The following TNS3 variants were observed in gnomAD, a reference collection of about 807,000 sequenced individuals.
The protein encoded by TNS3 is tensin 3, also known as tensin-3.
TNS3 carries 45 observed loss-of-function variants against 140.9 expected under a neutral mutation model. The ratio of observed to expected loss-of-function variants is 0.32; its 90% CI spans 0.25 to 0.41. The LOEUF (loss-of-function observed/expected upper bound fraction) is 0.41. Ranked by LOEUF, TNS3 falls within the 10% of genes least tolerant of loss-of-function variation. TNS3 has a pLI of 1.00. For synonymous variants in TNS3, 815 were observed against 788.4 expected (o/e 1.03, Z -0.56); for missense variants, 1,716 against 1,906.7 (o/e 0.90, Z 1.86).
At chr7:47,379,295 A>G (rs1214637514) in intron 16 of TNS3, among the ~76,000 whole-genome samples, 2 of 152,228 alleles carry the variant, frequency 1.3e-5, no homozygotes, top group East Asian at 3.8e-4. Flanking sequence ...TACCCATAGC[A>G]TATGCAAAAA....
At position 47,389,096 on chromosome 7, in the gene TNS3, G is replaced by GC. The variant is rs1316792867; in HGVS notation, c.1024+7703_1024+7704insG. ...AGAAGAAGAAGAAGAGGAAGAGGAA[G>GC]AGGAAGCGGAAGCAGAAGAAGAAGA... On this transcript the variant is annotated intron_variant, in intron 16 of 30. Coordinates refer to ENST00000311160, the MANE Select transcript of TNS3 (RefSeq NM_022748.12). 1.8e-3 allele frequency among the ~76,000 whole-genome samples: 132 copies of GC among 72,702 alleles called. 27 individuals are homozygous for GC. In the East Asian group the frequency reaches 0.026, roughly 14 times the overall value. The allele number at this position is 72,702 out of a possible 152,430, so 47.7% of individuals were successfully genotyped here.
At chr7:47,482,046 G>C (rs1797439979) in intron 3 of TNS3, among the ~76,000 whole-genome samples, 1 of 152,210 alleles carries the variant, frequency 6.6e-6, no homozygotes, top group Admixed American at 6.5e-5. Context: ...GCTGCTCTGG[G>C]GGGCCGCTCA....
At chr7:47,472,186 G>A (rs1409008202) in intron 4 of TNS3, among the ~76,000 whole-genome samples, 1 of 152,188 alleles carries the variant, frequency 6.6e-6, no homozygotes, top group African/African-American at 2.4e-5. Flanking sequence ...TGGAAATCAG[G>A]CCCAATCTAA....
chr7:47,355,515 CAT>C (rs1789944207), intron 17 of TNS3, among the ~76,000 whole-genome samples: 1 of 152,180 alleles, frequency 6.6e-6, no homozygotes, highest in African/African-American at 2.4e-5. Context: ...GTACTAAACA[CAT>C]GTGGGACTGA....
Position 47,435,275 on chromosome 7 carries a change from C to T in TNS3, c.324+7G>A, listed in dbSNP as rs1232831240. ...AGACCCCCAAATGTGAGAGGGGGCG[C>T]ACTCACCCTGCAGTGAATGACGACC... On this transcript the variant is annotated splice_region_variant and intron_variant, in intron 8 of 30. Transcript: ENST00000311160. 1 of 1,613,814 alleles carries T rather than the reference C, an allele frequency of 6.2e-7. No individual in the cohort carries two copies. The highest frequency in any genetic ancestry group is 8.5e-7 in the Non-Finnish European group (1 of 1,179,950).
At chr7:47,360,046 G>A (rs1790227153) in intron 17 of TNS3, among the ~76,000 whole-genome samples, 1 of 152,184 alleles carries the variant, frequency 6.6e-6, no homozygotes, top group African/African-American at 2.4e-5. Context: ...AGTATCTGGG[G>A]CAAATGGAAA....
intron 1 of TNS3, among the ~76,000 whole-genome samples, chr7:47,566,309 G>A (rs1318409963): frequency 3.3e-5 from 5 of 152,212 alleles, no homozygotes; most frequent in Non-Finnish European, 7.3e-5. Flanking sequence ...AGTGATGGCA[G>A]CCACATTCAC....
At chr7:47,557,013 G>A (rs1055398518) in intron 1 of TNS3, 24 of 456,286 alleles carry the variant, frequency 5.3e-5, no homozygotes, top group African/African-American at 4.6e-4. Context: ...GGAGCAGCGG[G>A]GGCGGGGAGC....
chr7:47,399,985 A>C (rs1031386719), intron 15 of TNS3, among the ~76,000 whole-genome samples: 6 of 152,148 alleles, frequency 3.9e-5, no homozygotes, highest in Non-Finnish European at 8.8e-5. Context: ...AAAAAAAAAA[A>C]ACAAATAATC....
At chr7:47,398,879 A>C (rs992060717) in intron 15 of TNS3, among the ~76,000 whole-genome samples, 2 of 152,146 alleles carry the variant, frequency 1.3e-5, no homozygotes, top group African/African-American at 4.8e-5. Context: ...AGAGGAATTA[A>C]AACTGTTGCT....
intron 3 of TNS3, among the ~76,000 whole-genome samples, chr7:47,490,155 T>C (rs937595838): frequency 2.1e-4 from 32 of 152,178 alleles, no homozygotes; most frequent in African/African-American, 7.7e-4. Context: ...AGGACCAAGA[T>C]TTAACTGCAT....
At chr7:47,500,735 CAA>C (rs1177942294) in intron 3 of TNS3, among the ~76,000 whole-genome samples, 1 of 152,136 alleles carries the variant, frequency 6.6e-6, no homozygotes, top group Non-Finnish European at 1.5e-5. Context: ...TCACAAACAA[CAA>C]AAGAGCTTTT....
chr7:47,580,536 C>T (rs922564387), intron 1 of TNS3, among the ~76,000 whole-genome samples: 1 of 150,578 alleles, frequency 6.6e-6, no homozygotes, highest in Non-Finnish European at 1.5e-5. Flanking sequence ...ACCACACCCC[C>T]ACCAGGACCC....
At position 47,368,506 on chromosome 7, in the gene TNS3, C is replaced by T. The variant is rs1454689191; in HGVS notation, c.2140G>A (p.Glu714Lys). 3 of 1,593,242 alleles carry T rather than the reference C, an allele frequency of 1.9e-6. No homozygotes were observed. The highest frequency in any genetic ancestry group is 4.5e-5 in the East Asian group (2 of 44,280). The change falls in exon 17 of 31, where the codon GAG becomes AAG. Residue 714 changes from glutamate to lysine, a missense_variant. Physicochemically the swap from Glu to Lys is moderately conservative, Grantham distance 56. This residue lies in a region of TNS3 where 1,163 missense variants were observed against 1,182.1 expected (regional missense o/e 0.98). Transcript: ENST00000311160. ...GCGTTCATGTGGGTAGGGATGGGCT[C>T]GAAGGTGGGATCCAGCTCCAGGATC... The part of the protein sequence containing the change: ...RLILELDPTF[E>K]PIPTHMNALG...
upstream of TNS3, chr7:47,582,520 A>G (rs1784560754): frequency 4.4e-6 from 2 of 455,654 alleles, no homozygotes; most frequent in Non-Finnish European, 8.8e-6. Flanking sequence ...AGCAAGACCT[A>G]CCCTCCCTCC....
In TNS3 at chr7:47,462,128, T is replaced by C. The variant is rs543026543; in HGVS notation, c.-76+18975A>G. Among the ~76,000 whole-genome samples, 8 of 152,346 alleles carry C rather than the reference T, an allele frequency of 5.3e-5. No individual in the cohort carries two copies. In the East Asian group the frequency reaches 1.5e-3, roughly 29 times the overall value. On this transcript the variant is annotated intron_variant, in intron 4 of 30. Transcript: ENST00000311160. ...AGGATTCCGCAAGTTAACTGATACT[T>C]CAGTTCAATAATCACTTATAAATTC...
intron 3 of TNS3, among the ~76,000 whole-genome samples, chr7:47,491,880 C>T (rs1797826064): frequency 6.6e-6 from 1 of 152,154 alleles, no homozygotes; most frequent in African/African-American, 2.4e-5. Flanking sequence ...ATGGCCCCAT[C>T]AATCACAGCC....
rs376038325 is a variant in TNS3, at chr7:47,369,561, G to C, written c.1085C>G (p.Ser362Cys). The change falls in exon 17 of 31, where the codon TCC becomes TGC. Residue 362 changes from serine (S) to cysteine (C), a missense_variant. Around this residue, in one of 3 missense-constraint regions of TNS3, gnomAD observed 1,163 missense variants for 1,182.1 expected, o/e 0.98. Transcript: ENST00000311160. ...GCCACCTGGGATGCCAGGATCCGAG[G>C]AGCTTTTCTTCCTCACCTTCGCGTA... is the stretch of plus-strand genomic sequence containing the variant. ...SLYAKVRKKS[S>C]SDPGIPGGPQ... The C allele has an allele frequency of 2.5e-6, 4 of 1,611,636 alleles. No individual in the cohort carries two copies. The highest frequency in any genetic ancestry group is 2.5e-6 in the Non-Finnish European group (3 of 1,178,684).
intron 1 of TNS3, among the ~76,000 whole-genome samples, chr7:47,555,335 A>T (rs1256629967): frequency 6.6e-6 from 1 of 150,944 alleles, no homozygotes; most frequent in East Asian, 2.0e-4. Flanking sequence ...CAGGAGGCGG[A>T]GGTTGCAGTG....
Sources: allele counts gnomAD v4.1 joint callset (sites outside exome capture counted in the v4.1 genomes callset), GRCh38; gene constraint gnomAD v4.1.1; regional missense constraint gnomAD v4.1.1; transcripts MANE v1.5; gene names NCBI Gene and HGNC (gene_info 2026-07-23, HGNC 2026-07-21).